Variants in THAP12 observed in about 807,000 individuals in gnomAD.
The protein encoded by THAP12 is THAP domain containing 12, also known as 52 kDa repressor of the inhibitor of the protein kinase.
Under a neutral mutation model 63.0 loss-of-function variants are expected in THAP12, and 20 were observed. The observed-to-expected ratio is 0.32, with a 90% CI of 0.22 to 0.46. The LOEUF is 0.46. Ranked by LOEUF, THAP12 falls within the 20% of genes least tolerant of loss-of-function variation. THAP12 has a pLI of 1.00. For missense variants in THAP12, 568 were observed against 908.2 expected (o/e 0.63, Z 4.81); for synonymous variants, 264 against 328.4 (o/e 0.80, Z 2.12).
chr11:76,366,042 G>T (rs1291095638), intron 1 of THAP12, 70 bp from the exon 2 acceptor site: 4 of 1,518,216 alleles, frequency 2.6e-6, no homozygotes, highest in Admixed American at 1.9e-5. Flanking sequence ...CAGTTTTAAG[G>T]CAAACATACA....
At position 76,351,951 on chromosome 11, in the gene THAP12, T is replaced by A; in HGVS notation, c.1199A>T (p.Glu400Val). The A allele has an allele frequency of 6.2e-7, 1 of 1,601,434 alleles. No homozygotes were observed. The highest frequency in any genetic ancestry group is 8.5e-7 in the Non-Finnish European group (1 of 1,176,466). The change falls in exon 5 of 5, where the codon GAA becomes GTA. Residue 400 changes from glutamate (E) to valine (V), a missense_variant. Physicochemically the swap from Glu to Val is moderately radical, Grantham distance 121. Coordinates refer to ENST00000260045, the MANE Select transcript of THAP12 (RefSeq NM_004705.4). ...AAGAACAGAAATTACGTTGTCAAGT[T>A]CTAAAAGCAGTTGTGGTGATCGATG... Reference protein sequence around the residue: ...FFHRSPQLLLELDNVISVLFQ... With the variant: ...FFHRSPQLLLVLDNVISVLFQ...
chr11:76,360,631 C>T (rs950425857), intron 3 of THAP12, among the ~76,000 whole-genome samples: 8 of 152,114 alleles, frequency 5.3e-5, no homozygotes, highest in African/African-American at 1.7e-4. Context: ...CTGGAAACAC[C>T]TCAGCTCTAT....
rs1326572977 is a variant in THAP12 at position 76,380,854 on chromosome 11, C to G, written c.-18G>C. On this transcript the variant is annotated 5_prime_UTR_variant, in exon 1 of 5. Transcript: ENST00000260045. ...TTCGGCATCGTCGCCCGCCCGCCGG[C>G]CGGCCCAGCCCTCCCCTCCCCGCCT... 2.8e-6 allele frequency: 4 copies of G among 1,412,696 alleles called. No individual in the cohort carries two copies. The highest frequency in any genetic ancestry group is 2.6e-5 in the Admixed American group (1 of 38,796). 87.5% of individuals were successfully genotyped at this position (1,412,696 alleles called of 1,614,324 possible).
intron 1 of THAP12, among the ~76,000 whole-genome samples, chr11:76,369,962 T>TC (rs1946659363): frequency 6.6e-6 from 1 of 152,226 alleles, no homozygotes; most frequent in South Asian, 2.1e-4. Flanking sequence ...ATATACTGAG[T>TC]CCTGCAAGCC....
chr11:76,361,722 C>A (rs1292111271), intron 2 of THAP12, among the ~76,000 whole-genome samples: 1 of 152,212 alleles, frequency 6.6e-6, no homozygotes, highest in East Asian at 1.9e-4. Flanking sequence ...ATATTACCAT[C>A]TGTATTTTTA....
chr11:76,352,062 G>A lies in THAP12; in HGVS notation c.1088C>T (p.Ala363Val), dbSNP rs1451584365. ...QAIYTLCSSC[A>V]LNMWLAKSVP... The stretch of plus-strand genomic sequence containing the variant: ...TGATTTTGCCAACCACATATTTAAG[G>A]CACAGGAAGAGCAGAGTGTGTAGAT... Residue 363 changes from alanine (A) to valine (V), a missense_variant, in exon 5 of 5, where the codon GCC becomes GTC. Ala to Val is a moderately conservative substitution (Grantham distance 64). Transcript: ENST00000260045. The A allele has an allele frequency of 2.5e-6, 4 of 1,611,824 alleles. No homozygotes were observed. The highest frequency in any genetic ancestry group is 3.4e-6 in the Non-Finnish European group (4 of 1,179,744).
Position 76,352,723 on chromosome 11 carries a change from C to G in THAP12, c.427G>C (p.Glu143Gln), listed in dbSNP as rs1372077119. The G allele has an allele frequency of 6.2e-7, 1 of 1,606,412 alleles. No homozygotes were observed. Among genetic ancestry groups the G allele is most frequent in the Non-Finnish European group, 8.5e-7 (1 of 1,177,366 alleles). ...NNSNAQNPSEEEGEGQDEDIL... is the reference protein window; with the variant it reads ...NNSNAQNPSEQEGEGQDEDIL... ...TCCTCATCTTGCCCTTCACCCTCTT[C>G]TTCGCTGGGGTTCTGAGCATTGCTA... Residue 143 changes from glutamate (E) to glutamine (Q), a missense_variant, in exon 5 of 5, where the codon GAA becomes CAA. By Grantham distance (29) the Glu-to-Gln change is conservative. Coordinates refer to ENST00000260045, the MANE Select transcript of THAP12 (RefSeq NM_004705.4).
At chr11:76,361,970 T>C (rs1946600484) in intron 2 of THAP12, among the ~76,000 whole-genome samples, 1 of 152,234 alleles carries the variant, frequency 6.6e-6, no homozygotes, top group Non-Finnish European at 1.5e-5. Context: ...TCTGTATCTC[T>C]TTCAAGTCCT....
chr11:76,357,237 G>T (rs1565231930), intron 3 of THAP12: 1 of 152,082 alleles, frequency 6.6e-6, no homozygotes, highest in South Asian at 2.1e-4. Context: ...GTATATAAGG[G>T]AATCAAGTAT....
Position 76,352,125 on chromosome 11 carries a change from A to G in THAP12, c.1025T>C (p.Val342Ala). 1 of 1,611,966 alleles carries G rather than the reference A, an allele frequency of 6.2e-7. No homozygotes were observed. The highest frequency in any genetic ancestry group is 1.7e-5 in the Admixed American group (1 of 60,010). Residue 342 changes from valine (V) to alanine (A), a missense_variant, in exon 5 of 5, where the codon GTT becomes GCT. Transcript: ENST00000260045. ...TTTCTCTAAAAGTCTAGAAGCAACA[A>G]CTTTCATTTTGGAAGAAAATCCACT... ...VSSGFSSKMK[V>A]VASRLLEKYP...
At chr11:76,353,706 G>A (rs906233776) in intron 4 of THAP12, among the ~76,000 whole-genome samples, 6 of 152,238 alleles carry the variant, frequency 3.9e-5, no homozygotes, top group Admixed American at 3.9e-4. Context: ...TTAAAACCTA[G>A]TTCTTAGAAC....
chr11:76,353,479 C>G (rs1946540881), intron 4 of THAP12, among the ~76,000 whole-genome samples: 1 of 152,152 alleles, frequency 6.6e-6, no homozygotes, highest in African/African-American at 2.4e-5. Context: ...ACCATTATGC[C>G]ACACATTTAT....
intron 3 of THAP12, chr11:76,359,029 T>C (rs1414713878): frequency 5.9e-5 from 9 of 152,150 alleles, no homozygotes; most frequent in Non-Finnish European, 2.9e-5. Flanking sequence ...TTTCTCCTTA[T>C]TTGCAGATGA....
intron 2 of THAP12, among the ~76,000 whole-genome samples, chr11:76,361,997 A>G (rs1297660698): frequency 6.6e-6 from 1 of 152,178 alleles, no homozygotes; most frequent in Non-Finnish European, 1.5e-5. Flanking sequence ...CTTATGAAAG[A>G]ATGATCATAC....
chr11:76,380,213 T>G (rs911252135), intron 1 of THAP12, among the ~76,000 whole-genome samples: 5 of 152,020 alleles, frequency 3.3e-5, no homozygotes, highest in Admixed American at 2.6e-4. Flanking sequence ...TGAGTAACGG[T>G]GACAGCCAGA....
chr11:76,351,103 C>T lies in THAP12; in HGVS notation c.2047G>A (p.Val683Ile). The change falls in exon 5 of 5, where the codon GTC becomes ATC. Residue 683 changes from valine to isoleucine, a missense_variant. By Grantham distance (29) the Val-to-Ile change is conservative (BLOSUM62 3). Transcript: ENST00000260045. ...TTCATCACAGGAAGAATACACAGGA[C>T]CTTCAGCAATGCATACACATTAGGA... is the stretch of plus-strand genomic sequence containing the variant. ...FFPNVYALLK[V>I]LCILPVMKVE... 1.9e-6 allele frequency: 3 copies of T among 1,611,756 alleles called. No individual in the cohort carries two copies. Among genetic ancestry groups the T allele is most frequent in the Non-Finnish European group, 2.5e-6 (3 of 1,179,762 alleles).
At chr11:76,375,849 T>C (rs755315724) in intron 1 of THAP12, among the ~76,000 whole-genome samples, 20 of 151,726 alleles carry the variant, frequency 1.3e-4, no homozygotes, top group Non-Finnish European at 2.8e-4. Context: ...CTGGGCACAG[T>C]GAAATGGAAA....
chr11:76,366,963 C>G (rs1476136988), intron 1 of THAP12, among the ~76,000 whole-genome samples: 1 of 152,072 alleles, frequency 6.6e-6, no homozygotes, highest in Non-Finnish European at 1.5e-5. Context: ...CAGACACGTT[C>G]TAAGTCCTTT....
At chr11:76,374,476 TA>T in intron 1 of THAP12, among the ~76,000 whole-genome samples, 1 of 152,088 alleles carries the variant, frequency 6.6e-6, no homozygotes, top group African/African-American at 2.4e-5. Flanking sequence ...CAGTGGCACA[TA>T]AATTTTCCAA....
Sources: gnomAD v4.1 joint callset for allele counts (sites outside exome capture counted in the v4.1 genomes callset) on GRCh38, gnomAD v4.1.1 for gene constraint, MANE v1.5 for transcripts, NCBI Gene and HGNC (gene_info 2026-07-23, HGNC 2026-07-21) for gene names.